The following RNFT2 variants were observed in gnomAD, a reference collection of about 807,000 sequenced individuals.
RNFT2 encodes the protein ring finger protein, transmembrane 2.
In RNFT2, 36 loss-of-function variants were observed where a neutral mutation model predicts 53.0. The ratio of observed to expected loss-of-function variants is 0.68; its 90% confidence interval spans 0.52 to 0.90. The LOEUF (loss-of-function observed/expected upper bound fraction) is 0.90, where lower values mean the gene tolerates loss of function less well. Among genes scored for constraint, RNFT2 ranks in the 40% least tolerant of loss-of-function variants. The pLI is 0.00. For missense variants in RNFT2, 514 were observed against 585.6 expected (o/e 0.88, Z 1.26); for synonymous variants, 260 against 253.2 (o/e 1.03, Z -0.26).
intron 5 of RNFT2, among the ~76,000 whole-genome samples, chr12:116,760,576 G>T (rs896051454): frequency 4.6e-5 from 7 of 152,158 alleles, no homozygotes; most frequent in Non-Finnish European, 8.8e-5. Context: ...GCCAGATAAA[G>T]TTGGAAACTT....
chr12:116,839,405 T>G, intron 10 of RNFT2, among the ~76,000 whole-genome samples: 2 of 95,962 alleles, frequency 2.1e-5, no homozygotes, highest in African/African-American at 4.1e-5. Flanking sequence ...GATGGATGGA[T>G]GGATGGGATG....
intron 7 of RNFT2, among the ~76,000 whole-genome samples, chr12:116,799,664 G>A (rs529477392): frequency 1.3e-5 from 2 of 152,282 alleles, no homozygotes; most frequent in Non-Finnish European, 2.9e-5. Context: ...AGCTGGGCAC[G>A]ATGGCTCATG....
chr12:116,846,457 C>T (rs955800209), intron 10 of RNFT2, among the ~76,000 whole-genome samples: 14 of 6,132 alleles, frequency 2.3e-3, no homozygotes, highest in Admixed American at 7.7e-3. Context: ...TTTGTAGAGA[C>T]ATATGGGGCA....
chr12:116,776,842 C>T (rs1873449645), intron 6 of RNFT2, among the ~76,000 whole-genome samples: 1 of 151,774 alleles, frequency 6.6e-6, no homozygotes, highest in Admixed American at 6.6e-5. Flanking sequence ...AATCTAAGCT[C>T]CACATTCAAC....
intron 7 of RNFT2, among the ~76,000 whole-genome samples, chr12:116,787,587 G>A (rs1197500517): frequency 4.6e-5 from 7 of 152,114 alleles, no homozygotes; most frequent in East Asian, 3.9e-4. Context: ...ATGGTGGAAC[G>A]CACCTGTAGT....
rs1491170919 is a variant in RNFT2, at chr12:116,750,809, AAT to A, written c.550+511_550+512del. ...TATATGTGTGTGTGTATATATATAT[AAT>A]ATATATATTATATATATAATATATA... On this transcript the variant is annotated intron_variant, in intron 4 of 10. Coordinates refer to ENST00000257575, the MANE Select transcript of RNFT2 (RefSeq NM_001382266.1). Among the ~76,000 whole-genome samples the A allele has an allele frequency of 4.8e-4, 12 of 25,192 alleles. 1 individual carries two copies. Among genetic ancestry groups the A allele is most frequent in the Middle Eastern group, 0.013 (1 of 76 alleles). 16.5% of individuals were successfully genotyped at this position (25,192 alleles called of 152,430 possible). A position where few individuals can be genotyped will look rare whatever the true frequency, so the allele number is the denominator to read the frequency against.
intron 10 of RNFT2, among the ~76,000 whole-genome samples, chr12:116,848,873 G>T (rs984592554): frequency 1.3e-5 from 2 of 151,786 alleles, no homozygotes; most frequent in Non-Finnish European, 2.9e-5. Flanking sequence ...AGGCTGGAGT[G>T]CAGTGGCACA....
Position 116,849,587 on chromosome 12 carries a change from C to G in RNFT2, c.*139C>G. On this transcript the variant is annotated 3_prime_UTR_variant, in exon 11 of 11. Coordinates refer to ENST00000257575, the MANE Select transcript of RNFT2 (RefSeq NM_001382266.1). ...TCCACCACCTCTGACCCCAAAGTCC[C>G]GCCCCTGTCTTGTCCTTCTGACCTT... 7.0e-7 allele frequency: 1 copy of G among 1,422,454 alleles called. No individual in the cohort carries two copies. Among genetic ancestry groups the G allele is most frequent in the South Asian group, 1.5e-5 (1 of 66,404 alleles). 88.1% of individuals were successfully genotyped at this position (1,422,454 alleles called of 1,614,324 possible).
At chr12:116,779,458 T>C (rs1481737262) in intron 7 of RNFT2, 110 bp downstream of exon 7, 1 of 1,181,794 alleles carries the variant, frequency 8.5e-7, no homozygotes, top group African/African-American at 1.5e-5. Flanking sequence ...GATGTCAGCA[T>C]ATAAAATAAA....
chr12:116,777,671 T>C (rs1873496197), intron 6 of RNFT2, among the ~76,000 whole-genome samples: 1 of 152,208 alleles, frequency 6.6e-6, no homozygotes, highest in South Asian at 2.1e-4. Context: ...ACCTGCCTCA[T>C]AATGTTAGTG....
chr12:116,755,597 A>G (rs960516058), intron 5 of RNFT2: 38 of 900,256 alleles, frequency 4.2e-5, no homozygotes, highest in Non-Finnish European at 5.4e-5. Context: ...AATGTGCTCA[A>G]TATGCACATT....
chr12:116,756,146 T>C (rs1361952073), intron 5 of RNFT2, among the ~76,000 whole-genome samples: 1 of 152,182 alleles, frequency 6.6e-6, no homozygotes, highest in East Asian at 1.9e-4. Context: ...ATTTGTAGAT[T>C]GCTTTTGGCA....
intron 7 of RNFT2, among the ~76,000 whole-genome samples, chr12:116,820,820 G>A (rs543297744): frequency 6.6e-6 from 1 of 152,194 alleles, no homozygotes; most frequent in East Asian, 1.9e-4. Context: ...AATAATTTCA[G>A]TGTCCATCTC....
intron 7 of RNFT2, among the ~76,000 whole-genome samples, chr12:116,812,549 C>A (rs1023906399): frequency 1.3e-4 from 19 of 145,220 alleles, no homozygotes; most frequent in African/African-American, 4.4e-4. Context: ...TTTTTTTTTT[C>A]CTTGAGACAG....
In RNFT2 at chr12:116,841,792, TAAATATATATATAAATATATATATAA is replaced by T. The variant is rs1565875889; in HGVS notation, c.1200+5524_1200+5549del. Reference sequence around the variant, plus strand: ...ATATATATATATAAATATATATATATAAATATATATATAAATATATATATAAAAATATATATATATAAATATATATA... The same window carrying T: ...ATATATATATATAAATATATATATATAAATATATATATATAAATATATATA... On this transcript the variant is annotated intron_variant, in intron 10 of 10. Transcript: ENST00000257575. Among the ~76,000 whole-genome samples the T allele has an allele frequency of 8.7e-4, 76 of 87,848 alleles. 1 individual carries two copies. Among genetic ancestry groups the T allele is most frequent in the Middle Eastern group, 4.7e-3 (1 of 214 alleles). The allele number at this position is 87,848 out of a possible 152,430, so 57.6% of individuals were successfully genotyped here.
At chr12:116,831,672 A>T (rs1263182290) in intron 7 of RNFT2, among the ~76,000 whole-genome samples, 3 of 152,150 alleles carry the variant, frequency 2.0e-5, no homozygotes, top group African/African-American at 7.2e-5. Flanking sequence ...ATATTTTTAC[A>T]GATATGGATG....
intron 7 of RNFT2, among the ~76,000 whole-genome samples, chr12:116,833,109 G>T (rs1461676954): frequency 1.3e-5 from 2 of 151,952 alleles, no homozygotes; most frequent in Non-Finnish European, 2.9e-5. Context: ...AGTAGAGTTG[G>T]GGGTTCGCCA....
At position 116,844,436 on chromosome 12, in the gene RNFT2, C is replaced by T. The variant is rs554253798; in HGVS notation, c.1201-4878C>T. Among the ~76,000 whole-genome samples the T allele has an allele frequency of 8.3e-4, 126 of 152,316 alleles. 1 individual carries two copies. Among genetic ancestry groups the T allele is most frequent in the South Asian group, 3.7e-3 (18 of 4,822 alleles). ...ATTTTTAGTGGAGACAGGCTTTCGC[C>T]ATGTTGGCCAGGCTGGTCTTCAACT... On this transcript the variant is annotated intron_variant, in intron 10 of 10. Transcript: ENST00000257575.
intron 7 of RNFT2, among the ~76,000 whole-genome samples, chr12:116,832,970 T>C (rs1876758396): frequency 7.4e-6 from 1 of 134,484 alleles, no homozygotes; most frequent in African/African-American, 2.8e-5. Flanking sequence ...AGTGGTACAG[T>C]GGTGTGATAT....
Sources: allele counts gnomAD v4.1 joint callset (sites outside exome capture counted in the v4.1 genomes callset), GRCh38; gene constraint gnomAD v4.1.1; transcripts MANE v1.5; gene names NCBI Gene and HGNC (gene_info 2026-07-23, HGNC 2026-07-21).